FOXN3: variants seen among roughly 807,000 people sequenced by gnomAD.
The protein encoded by FOXN3 is forkhead box protein N3.
Under a neutral mutation model 38.4 loss-of-function variants are expected in FOXN3, and 7 were observed. That is an observed-to-expected ratio of 0.18 (90% CI 0.10 to 0.34). FOXN3 has a LOEUF of 0.34. FOXN3 is among the 10% of genes least tolerant of loss of function. The pLI, the probability that FOXN3 is intolerant of heterozygous loss-of-function variation, is 1.00. For missense variants in FOXN3, 456 were observed against 613.4 expected (o/e 0.74, Z 2.71); for synonymous variants, 230 against 242.2 (o/e 0.95, Z 0.47).
intron 3 of FOXN3, among the ~76,000 whole-genome samples, chr14:89,342,655 C>A (rs146013501): frequency 1.0e-3 from 152 of 152,284 alleles, no homozygotes; most frequent in African/African-American, 3.6e-3. Flanking sequence ...AGTGCTACCA[C>A]TTTGAAAGCC....
intron 4 of FOXN3, among the ~76,000 whole-genome samples, chr14:89,221,135 G>A (rs117646809): frequency 4.7e-4 from 71 of 152,192 alleles, no homozygotes; most frequent in Non-Finnish European, 7.6e-4. Context: ...GTGGTGTAAG[G>A]GCCACTGAGA....
intron 1 of FOXN3, among the ~76,000 whole-genome samples, chr14:89,500,626 G>C (rs1258100805): frequency 2.6e-5 from 4 of 152,212 alleles, no homozygotes; most frequent in African/African-American, 7.2e-5. Context: ...GCTGGAAAAA[G>C]GGACAGGGAA....
intron 1 of FOXN3, among the ~76,000 whole-genome samples, chr14:89,464,205 T>C (rs1391462485): frequency 1.3e-5 from 2 of 152,192 alleles, no homozygotes; most frequent in Non-Finnish European, 2.9e-5. Context: ...AAGCGTCACG[T>C]ATAGGAGGGG....
chr14:89,450,583 A>G (rs1294639308), intron 1 of FOXN3, among the ~76,000 whole-genome samples: 1 of 132,986 alleles, frequency 7.5e-6, no homozygotes, highest in African/African-American at 2.9e-5. Flanking sequence ...TCTCGACTTC[A>G]TCTTTCCTTT....
intron 2 of FOXN3, among the ~76,000 whole-genome samples, chr14:89,367,469 G>A (rs1203365513): frequency 6.6e-6 from 1 of 152,158 alleles, no homozygotes. Flanking sequence ...TTCCTCCAGC[G>A]TTCTTGTCAG....
intron 2 of FOXN3, among the ~76,000 whole-genome samples, chr14:89,410,919 G>A (rs1891528431): frequency 6.6e-6 from 1 of 151,896 alleles, no homozygotes; most frequent in African/African-American, 2.4e-5. Flanking sequence ...GAAAGAAAAA[G>A]AAAGCAAATT....
At chr14:89,464,062 G>A (rs1337061372) in intron 1 of FOXN3, among the ~76,000 whole-genome samples, 4 of 151,634 alleles carry the variant, frequency 2.6e-5, no homozygotes, top group Admixed American at 2.0e-4. Context: ...GGGATTACAG[G>A]CATGAGCCAC....
chr14:89,599,840 T>C (rs1404535042), intron 1 of FOXN3, among the ~76,000 whole-genome samples: 1 of 152,228 alleles, frequency 6.6e-6, no homozygotes, highest in Non-Finnish European at 1.5e-5. Context: ...CTAGGGCTTC[T>C]GCCTTTTCAC....
intron 1 of FOXN3, among the ~76,000 whole-genome samples, chr14:89,604,476 G>C (rs1276538990): frequency 6.6e-6 from 1 of 152,164 alleles, no homozygotes; most frequent in African/African-American, 2.4e-5. Flanking sequence ...GGAAAAAACT[G>C]AGTAAATTAT....
chr14:89,429,589 T>C (rs1053524855), intron 1 of FOXN3, among the ~76,000 whole-genome samples: 1 of 151,870 alleles, frequency 6.6e-6, no homozygotes, highest in Non-Finnish European at 1.5e-5. Context: ...GCAAAAGGCA[T>C]GTGAAGTGGG....
intron 2 of FOXN3, among the ~76,000 whole-genome samples, chr14:89,377,703 C>T (rs182643172): frequency 6.6e-6 from 1 of 152,202 alleles, no homozygotes; most frequent in Non-Finnish European, 1.5e-5. Context: ...GCAGAGAGAA[C>T]CTGCCCTCTA....
At chr14:89,325,295 A>T (rs1465848987) in intron 3 of FOXN3, among the ~76,000 whole-genome samples, 1 of 81,980 alleles carries the variant, frequency 1.2e-5, no homozygotes, top group Non-Finnish European at 2.6e-5. Context: ...AACACCACCA[A>T]CACCAACACC....
chr14:89,241,971 TCAGGAC>T (rs1387162790), intron 4 of FOXN3, among the ~76,000 whole-genome samples: 1 of 152,142 alleles, frequency 6.6e-6, no homozygotes, highest in Admixed American at 6.5e-5. Flanking sequence ...GGACAAGGCG[TCAGGAC>T]CAGGTAGGTC....
chr14:89,390,511 G>GAAAAAAAAAAAAAAAAAA (rs1890914869), intron 2 of FOXN3, among the ~76,000 whole-genome samples: 1 of 127,264 alleles, frequency 7.9e-6, no homozygotes, highest in African/African-American at 2.8e-5. Flanking sequence ...AAAAAAAAAG[G>GAAAAAAAAAAAAAAAAAA]AAATCTCAAC....
chr14:89,235,194 A>T (rs1756935909), intron 4 of FOXN3, among the ~76,000 whole-genome samples: 1 of 152,206 alleles, frequency 6.6e-6, no homozygotes. Context: ...GTAATGCCTG[A>T]TGTTTTGAAA....
At chr14:89,199,991 A>G (rs772908240) in intron 4 of FOXN3, among the ~76,000 whole-genome samples, 1 of 152,240 alleles carries the variant, frequency 6.6e-6, no homozygotes, top group Non-Finnish European at 1.5e-5. Flanking sequence ...AGGTTTTGGT[A>G]TCTTAGGGGG....
At chr14:89,347,237 T>G (rs1566962516) in intron 3 of FOXN3, among the ~76,000 whole-genome samples, 2 of 152,186 alleles carry the variant, frequency 1.3e-5, no homozygotes, top group Non-Finnish European at 2.9e-5. Flanking sequence ...GGGAGAAAGA[T>G]GGGCCTCTAA....
rs1890767578 is a variant in FOXN3 at position 89,385,499 on chromosome 14, T to TTAAAAAAA, written c.543+26434_543+26435insTTTTTTTA. ...AATAACAAAAGCTGAGGCAAACATT[T>TTAAAAAAA]AAAAAAAAAAAAAAAAAAAAAAGGA... On this transcript the variant is annotated intron_variant, in intron 2 of 5. Transcript: ENST00000557258. Among the ~76,000 whole-genome samples, 6 of 108,836 alleles carry TTAAAAAAA rather than the reference T, an allele frequency of 5.5e-5. No individual in the cohort carries two copies. In the East Asian group the frequency reaches 1.1e-3, roughly 20 times the overall value. The allele number at this position is 108,836 out of a possible 152,430, so 71.4% of individuals were successfully genotyped here. A position where few individuals can be genotyped will look rare whatever the true frequency, so the allele number is the denominator to read the frequency against.
At chr14:89,282,420 C>A (rs1014550116) in intron 3 of FOXN3, among the ~76,000 whole-genome samples, 1 of 152,150 alleles carries the variant, frequency 6.6e-6, no homozygotes, top group Admixed American at 6.5e-5. Context: ...AACAGCAGAC[C>A]GGACTGGAGT....
Sources: allele counts gnomAD v4.1 joint callset (sites outside exome capture counted in the v4.1 genomes callset), GRCh38; gene constraint gnomAD v4.1.1; transcripts MANE v1.5; gene names NCBI Gene and HGNC (gene_info 2026-07-23, HGNC 2026-07-21).